Variants in CRACR2A observed in about 807,000 individuals in gnomAD.
The protein encoded by CRACR2A is EF-hand calcium-binding domain-containing protein 4B.
A neutral mutation model predicts 90.5 loss-of-function variants in CRACR2A; 79 were observed. The ratio of observed to expected loss-of-function variants is 0.87; its 90% CI spans 0.73 to 1.05. CRACR2A has a LOEUF of 1.05. Ranked by LOEUF, CRACR2A falls within the 50% of genes least tolerant of loss-of-function variation. The probability of loss-of-function intolerance (pLI) is 0.00; values close to 1 mark genes in which losing one functional copy is unlikely to be tolerated. For missense variants in CRACR2A, 823 were observed against 897.2 expected, an observed-to-expected ratio of 0.92 and a Z score of 1.06; for synonymous variants, 338 against 356.7, an observed-to-expected ratio of 0.95 and a Z score of 0.59.
chr12:3,636,031 A>G (rs1410317603), intron 14 of CRACR2A, among the ~76,000 whole-genome samples: 1 of 152,210 alleles, frequency 6.6e-6, no homozygotes, highest in African/African-American at 2.4e-5. Flanking sequence ...ATTCTAGTGA[A>G]TTAATATACT....
intron 4 of CRACR2A, among the ~76,000 whole-genome samples, chr12:3,690,898 C>A (rs1945639071): frequency 6.6e-6 from 1 of 152,142 alleles, no homozygotes; most frequent in Admixed American, 6.5e-5. Context: ...GAATTGAATC[C>A]TTTACCATTA....
At chr12:3,692,799 T>C (rs1303489699) in intron 4 of CRACR2A, among the ~76,000 whole-genome samples, 1 of 152,040 alleles carries the variant, frequency 6.6e-6, no homozygotes, top group Non-Finnish European at 1.5e-5. Context: ...GTGTGCATAG[T>C]TGTGCTGGTG....
At chr12:3,747,347 T>A (rs764535210) in intron 1 of CRACR2A, among the ~76,000 whole-genome samples, 27 of 152,192 alleles carry the variant, frequency 1.8e-4, no homozygotes, top group Non-Finnish European at 4.0e-4. Flanking sequence ...GCCCAGTGTG[T>A]TTCTGTGCAT....
chr12:3,718,852 A>C (rs1009949329), intron 2 of CRACR2A, among the ~76,000 whole-genome samples: 3 of 152,200 alleles, frequency 2.0e-5, no homozygotes, highest in Non-Finnish European at 4.4e-5. Context: ...AAAGCACCTG[A>C]ATGGATGAGT....
At chr12:3,738,548 C>T (rs910485746) in intron 1 of CRACR2A, among the ~76,000 whole-genome samples, 3 of 152,066 alleles carry the variant, frequency 2.0e-5, no homozygotes, top group Non-Finnish European at 4.4e-5. Context: ...GAGAAACAGA[C>T]AGTAAACTGG....
chr12:3,713,474 G>A (rs1946037188), intron 2 of CRACR2A, among the ~76,000 whole-genome samples, 157 bp from the exon 3 acceptor site: 1 of 152,200 alleles, frequency 6.6e-6, no homozygotes. Context: ...TCCTCTTCCA[G>A]GTTTTGGAGA....
chr12:3,714,710 A>C (rs950275220), intron 2 of CRACR2A, among the ~76,000 whole-genome samples: 3 of 152,236 alleles, frequency 2.0e-5, no homozygotes, highest in Non-Finnish European at 4.4e-5. Context: ...AGGAGAGAAA[A>C]ATATTTTTTA....
chr12:3,633,607 C>T lies in CRACR2A; in HGVS notation c.1732G>A (p.Val578Met). The T allele has an allele frequency of 6.4e-7, 1 of 1,551,732 alleles. No homozygotes were observed. The highest frequency in any genetic ancestry group is 1.2e-5 in the South Asian group (1 of 84,060). ...CACCTCAGGGATGAGAACTCACCCA[C>T]AGTGGCCGCCATGCCTGGGGAGAAC... ...DRFSPGMAATVGIDYRVKTLN... is the reference protein window; with the variant it reads ...DRFSPGMAATMGIDYRVKTLN... The change falls in exon 15 of 20, where the codon GTG becomes ATG. Residue 578 changes from valine (V) to methionine (M), a missense_variant. By Grantham distance (21) the Val-to-Met change is conservative (BLOSUM62 1). Coordinates refer to ENST00000440314, the MANE Select transcript of CRACR2A (RefSeq NM_001144958.2). This position sits in a 1 kb window ranked among gnomAD's most constrained non-coding sequence, Gnocchi z 4.5.
chr12:3,664,868 G>A (rs55824613), intron 7 of CRACR2A, among the ~76,000 whole-genome samples: 22,318 of 152,184 alleles, frequency 0.15, 1,828 homozygotes, highest in South Asian at 0.26. Context: ...GTAGCCAGGT[G>A]TGGTGGTACA....
chr12:3,717,084 C>A (rs736746), intron 2 of CRACR2A, among the ~76,000 whole-genome samples: 2 of 151,910 alleles, frequency 1.3e-5, no homozygotes, highest in South Asian at 4.2e-4. Context: ...TTCTGTGGAG[C>A]GAGTGGGATT....
chr12:3,618,114 C>T (rs529990309), intron 18 of CRACR2A, among the ~76,000 whole-genome samples: 76 of 150,364 alleles, frequency 5.1e-4, no homozygotes, highest in Non-Finnish European at 1.1e-3. Flanking sequence ...CTCGGGTGAG[C>T]TGTGATAATA....
chr12:3,698,599 T>A (rs1291954358), intron 3 of CRACR2A, among the ~76,000 whole-genome samples: 1 of 152,210 alleles, frequency 6.6e-6, no homozygotes, highest in East Asian at 1.9e-4. Flanking sequence ...AACATGTAAT[T>A]CCCACACTGA....
At chr12:3,694,143 T>A (rs927728626) in intron 4 of CRACR2A, among the ~76,000 whole-genome samples, 4 of 152,234 alleles carry the variant, frequency 2.6e-5, no homozygotes, top group Non-Finnish European at 5.9e-5. Context: ...CCACTCTCAG[T>A]GTCTTCCCTC....
At position 3,638,166 on chromosome 12, in the gene CRACR2A, T is replaced by C. The variant is rs1181770780; in HGVS notation, c.1560A>G (p.Thr520=). 4 of 1,549,556 alleles carry C rather than the reference T, an allele frequency of 2.6e-6. No homozygotes were observed. In the East Asian group the frequency reaches 9.8e-5, roughly 38 times the overall value. Residue 520 remains threonine, a synonymous_variant, in exon 14 of 20, where the codon ACA becomes ACG. Coordinates refer to ENST00000440314, the MANE Select transcript of CRACR2A (RefSeq NM_001144958.2). ...PEAPPLKLTP[T]SPRGQPVGKE... ...TTCCAACAGGCTGCCCTCGGGGGGATGTGGGGGTGAGTTTCAAGGGTGGGG... is the reference window on the plus strand; with the variant it reads ...TTCCAACAGGCTGCCCTCGGGGGGACGTGGGGGTGAGTTTCAAGGGTGGGG...
At chr12:3,619,592 G>A (rs1867774144) in intron 17 of CRACR2A, among the ~76,000 whole-genome samples, 1 of 98,276 alleles carries the variant, frequency 1.0e-5, no homozygotes, top group African/African-American at 4.7e-5. Flanking sequence ...CCTGCCTGTG[G>A]TGTCTCCTAG....
At chr12:3,726,743 C>A (rs1456003205) in intron 2 of CRACR2A, 2 of 151,050 alleles carry the variant, frequency 1.3e-5, no homozygotes, top group Non-Finnish European at 2.9e-5. Flanking sequence ...TGATATGGGG[C>A]AGGATAGTGA....
At chr12:3,666,358 T>TGTGCGCGTGCGC (rs758896769) in intron 7 of CRACR2A, among the ~76,000 whole-genome samples, 1 of 148,444 alleles carries the variant, frequency 6.7e-6, no homozygotes, top group African/African-American at 2.5e-5. Flanking sequence ...TGTGTGTGCG[T>TGTGCGCGTGCGC]GCGTGTGCGC....
intron 17 of CRACR2A, among the ~76,000 whole-genome samples, chr12:3,619,775 C>T (rs925796969): frequency 1.3e-5 from 2 of 152,176 alleles, no homozygotes; most frequent in African/African-American, 2.4e-5. Flanking sequence ...AGGCTTAGTC[C>T]GATGGACCAA....
Position 3,633,875 on chromosome 12 carries a change from G to T in CRACR2A, c.1603-139C>A. The stretch of plus-strand genomic sequence containing the variant: ...GCCTCTAGACCTGCACCAGGAGGCT[G>T]CCACAGCCTCAGAATGCAGTGAGCA... On this transcript the variant is annotated intron_variant, in intron 14 of 19. Coordinates refer to ENST00000440314, the MANE Select transcript of CRACR2A (RefSeq NM_001144958.2). The surrounding 1 kb of genome is among the most constrained non-coding windows in gnomAD (Gnocchi z 4.5). The T allele has an allele frequency of 8.4e-7, 1 of 1,183,970 alleles. No individual in the cohort carries two copies. The highest frequency in any genetic ancestry group is 1.2e-6 in the Non-Finnish European group (1 of 853,558). 73.3% of individuals were successfully genotyped at this position (1,183,970 alleles called of 1,614,324 possible). A position where few individuals can be genotyped will look rare whatever the true frequency, so the allele number is the denominator to read the frequency against.
Sources: gnomAD v4.1 joint callset for allele counts (sites outside exome capture counted in the v4.1 genomes callset) on GRCh38, gnomAD v4.1.1 for gene constraint, Gnocchi (gnomAD v3.1) non-coding constraint, MANE v1.5 for transcripts, NCBI Gene and HGNC (gene_info 2026-07-23, HGNC 2026-07-21) for gene names.